The following NRG1 variants were observed in gnomAD, a reference collection of about 807,000 sequenced individuals.
The protein encoded by NRG1 is pro-neuregulin-1, membrane-bound isoform.
In NRG1, 18 loss-of-function variants were observed where a neutral mutation model predicts 63.8. The observed-to-expected ratio is 0.28, with a 90% CI of 0.19 to 0.42. NRG1 has a LOEUF of 0.42. Among genes scored for constraint, NRG1 ranks in the 10% least tolerant of loss-of-function variants. The pLI is 1.00. For synonymous variants in NRG1, 302 were observed against 301.3 expected (o/e 1.00, Z -0.02); for missense variants, 762 against 814.7 (o/e 0.94, Z 0.79).
At chr8:32,109,249 C>T (rs919264480) in intron 1 of NRG1, among the ~76,000 whole-genome samples, 3 of 152,150 alleles carry the variant, frequency 2.0e-5, no homozygotes, top group Non-Finnish European at 4.4e-5. Flanking sequence ...ACATATCATT[C>T]ATTCTCCTTT....
intron 1 of NRG1, among the ~76,000 whole-genome samples, chr8:32,366,689 A>G (rs941051497): frequency 0.34 from 18,158 of 53,380 alleles, 1,754 homozygotes; most frequent in Middle Eastern, 0.47. Context: ...ATATATATAT[A>G]TATATATATA....
intron 5 of NRG1, among the ~76,000 whole-genome samples, chr8:32,684,206 A>AGGC (rs1279907503): frequency 1.3e-5 from 2 of 152,194 alleles, no homozygotes; most frequent in Non-Finnish European, 2.9e-5. Flanking sequence ...TAGGGCATAG[A>AGGC]GGCAATGTTA....
intron 1 of NRG1, among the ~76,000 whole-genome samples, chr8:31,751,887 G>A (rs1388112244): frequency 6.6e-6 from 1 of 152,012 alleles, no homozygotes; most frequent in African/African-American, 2.4e-5. Context: ...GATACGGAAT[G>A]CTCAAAGACC....
chr8:31,655,925 A>G (rs1805393896), intron 1 of NRG1, among the ~76,000 whole-genome samples: 1 of 152,228 alleles, frequency 6.6e-6, no homozygotes, highest in Admixed American at 6.5e-5. Context: ...TTGTATGCAC[A>G]GTAGGTGATG....
chr8:32,592,801 A>G (rs1369197671), intron 1 of NRG1, among the ~76,000 whole-genome samples: 2 of 152,212 alleles, frequency 1.3e-5, no homozygotes, highest in African/African-American at 2.4e-5. Flanking sequence ...GTTGACACTC[A>G]GACAATGTAG....
intron 1 of NRG1, among the ~76,000 whole-genome samples, chr8:32,258,144 A>T (rs1217763892): frequency 6.6e-6 from 1 of 152,156 alleles, no homozygotes; most frequent in African/African-American, 2.4e-5. Flanking sequence ...TTTCACCTTC[A>T]TTTATGCACA....
chr8:31,863,128 C>G (rs1051076874), intron 1 of NRG1, among the ~76,000 whole-genome samples: 2 of 152,186 alleles, frequency 1.3e-5, no homozygotes, highest in African/African-American at 4.8e-5. Context: ...CTTGTAAGCA[C>G]ATTCACACCA....
chr8:32,115,537 A>G (rs991789545), intron 1 of NRG1, among the ~76,000 whole-genome samples: 1 of 152,120 alleles, frequency 6.6e-6, no homozygotes, highest in Non-Finnish European at 1.5e-5. Context: ...CATTGTCTTC[A>G]GGTTGAGTAG....
chr8:31,670,497 G>A (rs147124561), intron 1 of NRG1, among the ~76,000 whole-genome samples: 39 of 152,016 alleles, frequency 2.6e-4, no homozygotes, highest in African/African-American at 7.0e-4. Context: ...GGAAGATACC[G>A]AAAGGTGGTA....
chr8:32,063,527 A>G (rs1824230975), intron 1 of NRG1: 1 of 152,112 alleles, frequency 6.6e-6, no homozygotes, highest in South Asian at 2.1e-4. Flanking sequence ...TATTCTGGGA[A>G]AACCAGGATG....
At chr8:31,716,008 T>C (rs1255399028) in intron 1 of NRG1, among the ~76,000 whole-genome samples, 2 of 152,214 alleles carry the variant, frequency 1.3e-5, no homozygotes, top group Admixed American at 6.5e-5. Context: ...CCAAAGCTAG[T>C]GGAAGTTTCT....
intron 1 of NRG1, among the ~76,000 whole-genome samples, chr8:31,791,127 T>C (rs768843363): frequency 7.9e-5 from 12 of 151,100 alleles, no homozygotes; most frequent in Non-Finnish European, 1.3e-4. Flanking sequence ...AAGAATCCAT[T>C]GAGCCTGGGA....
At chr8:32,377,172 C>T (rs958828803) in intron 1 of NRG1, among the ~76,000 whole-genome samples, 4 of 152,210 alleles carry the variant, frequency 2.6e-5, no homozygotes, top group Non-Finnish European at 5.9e-5. Flanking sequence ...ATTTGAGTGG[C>T]TCAATTCACC....
At chr8:31,854,594 T>C (rs1381032308) in intron 1 of NRG1, among the ~76,000 whole-genome samples, 1 of 152,164 alleles carries the variant, frequency 6.6e-6, no homozygotes. Flanking sequence ...TGAAGGGTTT[T>C]TTGTGTCTCT....
intron 1 of NRG1, among the ~76,000 whole-genome samples, chr8:31,771,793 A>C (rs1161025542): frequency 6.6e-6 from 1 of 152,148 alleles, no homozygotes; most frequent in Non-Finnish European, 1.5e-5. Flanking sequence ...TAAACACCCA[A>C]CCTCTTGTTC....
chr8:31,809,930 G>A (rs1366720249), intron 1 of NRG1, among the ~76,000 whole-genome samples: 4 of 150,880 alleles, frequency 2.7e-5, no homozygotes, highest in African/African-American at 9.8e-5. Flanking sequence ...CAGCACCTTC[G>A]ACTCAGATGT....
intron 1 of NRG1, among the ~76,000 whole-genome samples, chr8:32,286,725 A>G (rs368929358): frequency 4.5e-4 from 69 of 152,196 alleles, no homozygotes; most frequent in African/African-American, 1.6e-3. Flanking sequence ...CTGGCCGGGC[A>G]CGGTGGCTCA....
At chr8:32,433,026 G>T (rs1818342410) in intron 1 of NRG1, among the ~76,000 whole-genome samples, 2 of 152,128 alleles carry the variant, frequency 1.3e-5, no homozygotes, top group South Asian at 4.1e-4. Flanking sequence ...ATCTGAGTGA[G>T]TGCCAAGAGG....
intron 1 of NRG1, among the ~76,000 whole-genome samples, chr8:32,019,163 A>T (rs957947025): frequency 2.7e-4 from 41 of 152,138 alleles, no homozygotes; most frequent in African/African-American, 9.9e-4. Flanking sequence ...CAGTGGTGCA[A>T]TCTTGGCTCA....
Sources: allele counts gnomAD v4.1 joint callset (sites outside exome capture counted in the v4.1 genomes callset), GRCh38; gene constraint gnomAD v4.1.1; transcripts MANE v1.5; gene names NCBI Gene and HGNC (gene_info 2026-07-23, HGNC 2026-07-21).